MOB3B: variants seen among roughly 807,000 people sequenced by gnomAD.
MOB3B encodes the protein MOB kinase activator-like 2B.
Under a neutral mutation model 18.7 loss-of-function variants are expected in MOB3B, and 7 were observed. The ratio of observed to expected loss-of-function variants is 0.37; its 90% confidence interval spans 0.21 to 0.70. MOB3B has a LOEUF of 0.70. Among genes scored for constraint, MOB3B ranks in the 30% least tolerant of loss-of-function variants. The probability of loss-of-function intolerance (pLI) is 0.52; values close to 1 mark genes in which losing one functional copy is unlikely to be tolerated. For synonymous variants in MOB3B, 111 were observed against 99.9 expected, an observed-to-expected ratio of 1.11 and a Z score of -0.66; for missense variants, 253 against 281.3, an observed-to-expected ratio of 0.90 and a Z score of 0.72.
In MOB3B at chr9:27,343,385, A is replaced by G. The variant is rs183247421; in HGVS notation, c.622-12769T>C. ...CTAGGAAAACCAGAGACCCTTGTTCACATGTTTATCTGCTGACCTTCCCTC... is the reference window on the plus strand; with the variant it reads ...CTAGGAAAACCAGAGACCCTTGTTCGCATGTTTATCTGCTGACCTTCCCTC... On this transcript the variant is annotated intron_variant, in intron 3 of 3. Transcript: ENST00000262244. 8.9e-3 allele frequency among the ~76,000 whole-genome samples: 1,337 copies of G among 149,850 alleles called. 20 individuals carry two copies. The highest frequency in any genetic ancestry group is 0.031 in the African/African-American group (1,250 of 40,066).
At chr9:27,458,071 T>C (rs1208541699) in intron 1 of MOB3B, among the ~76,000 whole-genome samples, 1 of 152,230 alleles carries the variant, frequency 6.6e-6, no homozygotes, top group Non-Finnish European at 1.5e-5. Context: ...ATGTCTCAAA[T>C]GCTTAATTGC....
At chr9:27,417,579 A>G (rs894693776) in intron 2 of MOB3B, among the ~76,000 whole-genome samples, 1 of 152,188 alleles carries the variant, frequency 6.6e-6, no homozygotes, top group Non-Finnish European at 1.5e-5. Flanking sequence ...GATTTAAAAA[A>G]ACACTTTCTA....
chr9:27,354,948 A>G (rs1232610802), intron 3 of MOB3B, among the ~76,000 whole-genome samples: 1 of 152,204 alleles, frequency 6.6e-6, no homozygotes, highest in African/African-American at 2.4e-5. Flanking sequence ...TTTCTTAAGC[A>G]CTTCCACGTG....
chr9:27,338,875 G>A (rs144743648), intron 3 of MOB3B, among the ~76,000 whole-genome samples: 4 of 152,300 alleles, frequency 2.6e-5, no homozygotes, highest in Non-Finnish European at 4.4e-5. Flanking sequence ...CTCCCACCCC[G>A]ACTCCGGTGG....
At position 27,452,666 on chromosome 9, in the gene MOB3B, A is replaced by G. The variant is rs532997576; in HGVS notation, c.418+2467T>C. On this transcript the variant is annotated intron_variant, in intron 2 of 3. Transcript: ENST00000262244. The stretch of plus-strand genomic sequence containing the variant: ...AATAAAGAAAATGTGGTATATATAC[A>G]CAATGGAATACTATTCAGCCTTAAA... Among the ~76,000 whole-genome samples, 186 of 152,366 alleles carry G rather than the reference A, an allele frequency of 1.2e-3. No homozygotes were observed. The Middle Eastern group carries it at 0.024, about 20-fold the overall frequency.
intron 2 of MOB3B, among the ~76,000 whole-genome samples, chr9:27,403,464 A>C (rs1009649339): frequency 6.6e-6 from 1 of 151,716 alleles, no homozygotes; most frequent in Non-Finnish European, 1.5e-5. Flanking sequence ...GAAACACACT[A>C]AAGTTATCTC....
At chr9:27,424,693 G>A (rs1354706233) in intron 2 of MOB3B, among the ~76,000 whole-genome samples, 1 of 152,144 alleles carries the variant, frequency 6.6e-6, no homozygotes, top group Non-Finnish European at 1.5e-5. Flanking sequence ...TGAGCTTAAT[G>A]GGATAATGCA....
chr9:27,383,910 T>C (rs1024967289), intron 2 of MOB3B, among the ~76,000 whole-genome samples: 1 of 152,208 alleles, frequency 6.6e-6, no homozygotes, highest in African/African-American at 2.4e-5. Flanking sequence ...TAGCAAGATG[T>C]TCCTTAAAAA....
At chr9:27,342,080 A>T (rs1820950273) in intron 3 of MOB3B, among the ~76,000 whole-genome samples, 1 of 152,220 alleles carries the variant, frequency 6.6e-6, no homozygotes, top group Non-Finnish European at 1.5e-5. Flanking sequence ...CCATTTATGG[A>T]TGAATGCCTG....
intron 1 of MOB3B, among the ~76,000 whole-genome samples, chr9:27,527,004 G>A (rs537270324): frequency 6.6e-5 from 10 of 152,186 alleles, no homozygotes; most frequent in Non-Finnish European, 1.0e-4. Context: ...TAGGTATCAC[G>A]TCTTCCGAAA....
At chr9:27,352,695 A>G (rs758478164) in intron 3 of MOB3B, among the ~76,000 whole-genome samples, 1 of 152,206 alleles carries the variant, frequency 6.6e-6, no homozygotes, top group Non-Finnish European at 1.5e-5. Flanking sequence ...GCATGAGGAA[A>G]ATAGAAAAAT....
intron 2 of MOB3B, among the ~76,000 whole-genome samples, chr9:27,427,642 A>C (rs1000868418): frequency 6.6e-6 from 1 of 152,222 alleles, no homozygotes; most frequent in Non-Finnish European, 1.5e-5. Flanking sequence ...TCAAATAAAA[A>C]AAAGGAATGT....
intron 1 of MOB3B, among the ~76,000 whole-genome samples, chr9:27,504,483 A>G (rs1247281529): frequency 6.6e-6 from 1 of 152,184 alleles, no homozygotes; most frequent in Non-Finnish European, 1.5e-5. Context: ...CAATCACATC[A>G]CTTCTTTCAA....
Position 27,395,176 on chromosome 9 carries a change from T to C in MOB3B, c.419-35940A>G, listed in dbSNP as rs142880399. ...AAAAGACCGCTGAAGCGGGGAGATA[T>C]TGATCAAAGGGTACAAAGTTTCAGT... On this transcript the variant is annotated intron_variant, in intron 2 of 3. Coordinates refer to ENST00000262244, the MANE Select transcript of MOB3B (RefSeq NM_024761.5). Among the ~76,000 whole-genome samples the C allele has an allele frequency of 1.7e-3, 253 of 152,322 alleles. 1 individual carries two copies. Among genetic ancestry groups the C allele is most frequent in the African/African-American group, 5.7e-3 (236 of 41,578 alleles).
chr9:27,351,034 C>G (rs1170407946), intron 3 of MOB3B, among the ~76,000 whole-genome samples: 1 of 151,984 alleles, frequency 6.6e-6, no homozygotes, highest in Non-Finnish European at 1.5e-5. Flanking sequence ...TCCTGAGTAG[C>G]TGGGATTATG....
intron 3 of MOB3B, among the ~76,000 whole-genome samples, chr9:27,338,712 C>T (rs999902057): frequency 1.3e-5 from 2 of 152,216 alleles, no homozygotes; most frequent in Non-Finnish European, 2.9e-5. Flanking sequence ...GCCACTGTGT[C>T]GCTGTCGGGA....
chr9:27,529,131 A>G (rs183572938), intron 1 of MOB3B, among the ~76,000 whole-genome samples: 13 of 152,340 alleles, frequency 8.5e-5, no homozygotes, highest in Non-Finnish European at 1.6e-4. Context: ...CCCCCAGCCC[A>G]GGCGCACTTT....
At chr9:27,433,940 A>T (rs1189397680) in intron 2 of MOB3B, among the ~76,000 whole-genome samples, 1 of 152,196 alleles carries the variant, frequency 6.6e-6, no homozygotes, top group Non-Finnish European at 1.5e-5. Context: ...CAACAGAAGC[A>T]AACATAAGCA....
rs1388650814 is a variant in MOB3B at position 27,359,366 on chromosome 9, A to AGTGT, written c.419-134_419-131dup. The AGTGT allele has an allele frequency of 6.9e-5, 25 of 363,052 alleles. 1 individual carries two copies. The Admixed American group carries it at 9.0e-4, about 13-fold the overall frequency. 22.5% of individuals were successfully genotyped at this position (363,052 alleles called of 1,614,324 possible). A position where few individuals can be genotyped will look rare whatever the true frequency, so the allele number is the denominator to read the frequency against. On this transcript the variant is annotated intron_variant, in intron 2 of 3. Coordinates refer to ENST00000262244, the MANE Select transcript of MOB3B (RefSeq NM_024761.5). ...GGCACCCGTCACAGGAGTCATAGGG[A>AGTGT]GTGTGTGTGTGTGGGGGGGGGGGGT...
Sources: allele counts gnomAD v4.1 joint callset (sites outside exome capture counted in the v4.1 genomes callset), GRCh38; gene constraint gnomAD v4.1.1; transcripts MANE v1.5; gene names NCBI Gene and HGNC (gene_info 2026-07-23, HGNC 2026-07-21).